Variants in ZNF827 observed in about 807,000 individuals in gnomAD.
ZNF827 encodes zinc finger protein 827.
A neutral mutation model predicts 102.4 loss-of-function variants in ZNF827; 13 were observed. The ratio of observed to expected loss-of-function variants is 0.13; its 90% CI spans 0.08 to 0.20. ZNF827 has a LOEUF of 0.20. Among genes scored for constraint, ZNF827 ranks in the 10% least tolerant of loss-of-function variants. The probability of loss-of-function intolerance (pLI) is 1.00; values close to 1 mark genes in which losing one functional copy is unlikely to be tolerated. For synonymous variants in ZNF827, 523 were observed against 536.2 expected (o/e 0.98, Z 0.34); for missense variants, 1,103 against 1,344.4 (o/e 0.82, Z 2.81).
chr4:145,834,326 C>T lies in ZNF827; in HGVS notation c.2280-10801G>A, dbSNP rs1202981622. Among the ~76,000 whole-genome samples, 6 of 152,096 alleles carry T rather than the reference C, an allele frequency of 3.9e-5. No individual in the cohort carries two copies. The East Asian group carries it at 7.7e-4, about 19-fold the overall frequency. On this transcript the variant is annotated intron_variant, in intron 7 of 14. Coordinates refer to ENST00000508784, the MANE Select transcript of ZNF827 (RefSeq NM_001306215.2). ...TCCCAAATCTTCCTTCTTTCCCTCC[C>T]GCCTGTCCCCTCAGTATTAACCCCA...
intron 8 of ZNF827, among the ~76,000 whole-genome samples, chr4:145,812,086 T>C (rs1742075420): frequency 1.3e-5 from 2 of 151,810 alleles, no homozygotes; most frequent in South Asian, 4.2e-4. Context: ...GGTTACTTTT[T>C]GCATTTTTTT....
chr4:145,833,563 C>G (rs969711390), intron 7 of ZNF827, among the ~76,000 whole-genome samples: 16 of 152,220 alleles, frequency 1.1e-4, no homozygotes, highest in Admixed American at 4.6e-4. Context: ...AAGTACCACT[C>G]AACCCCTTCT....
intron 4 of ZNF827, among the ~76,000 whole-genome samples, chr4:145,878,929 C>T (rs1181989254): frequency 1.3e-5 from 2 of 152,068 alleles, no homozygotes; most frequent in East Asian, 3.9e-4. Flanking sequence ...GGGGCAACTT[C>T]TAGGCATGAG....
rs1734461096 is a variant in ZNF827, at chr4:145,761,334, G to A, written c.*282C>T. 7.8e-7 allele frequency: 1 copy of A among 1,289,972 alleles called. No homozygotes were observed. The highest frequency in any genetic ancestry group is 1.5e-5 in the African/African-American group (1 of 66,000). The allele number at this position is 1,289,972 out of a possible 1,614,324, so 79.9% of individuals were successfully genotyped here. A position where few individuals can be genotyped will look rare whatever the true frequency, so the allele number is the denominator to read the frequency against. ...GATTGTCCTTGCGCTTGCAGCTGTA[G>A]CTGCACTGGTCACAGTGGAAGGGCC... On this transcript the variant is annotated 3_prime_UTR_variant, in exon 15 of 15. Transcript: ENST00000508784. This position sits in a 1 kb window ranked among gnomAD's most constrained non-coding sequence, Gnocchi z 6.8.
intron 7 of ZNF827, chr4:145,839,298 T>C (rs1657056245): frequency 6.6e-6 from 1 of 152,382 alleles, no homozygotes; most frequent in East Asian, 1.9e-4. Context: ...CGAGGGCCGC[T>C]GCAGTGGAGA....
intron 1 of ZNF827, among the ~76,000 whole-genome samples, chr4:145,907,959 C>T (rs1167776283): frequency 6.6e-6 from 1 of 152,196 alleles, no homozygotes; most frequent in Non-Finnish European, 1.5e-5. Context: ...CAAAATTCCA[C>T]TACCTAACAC....
chr4:145,932,518 A>T (rs1753887133), intron 1 of ZNF827, among the ~76,000 whole-genome samples: 1 of 150,188 alleles, frequency 6.7e-6, no homozygotes, highest in Admixed American at 6.6e-5. Flanking sequence ...TCTGTCGAAC[A>T]GGCTGGAGTG....
rs367634050 is a variant in ZNF827, at chr4:145,766,068, G to A, written c.2861-330C>T. Among the ~76,000 whole-genome samples, 162 of 152,206 alleles carry A rather than the reference G, an allele frequency of 1.1e-3. 8 individuals are homozygous for A. The South Asian group carries it at 0.032, about 30-fold the overall frequency. On this transcript the variant is annotated intron_variant, in intron 11 of 14. Coordinates refer to ENST00000508784, the MANE Select transcript of ZNF827 (RefSeq NM_001306215.2). ...ATTATACTTTAAATTATCTCATTTT[G>A]TTTTTTCAAAAATCCTGTGTGGCAC...
At chr4:145,819,448 G>A (rs904940003) in intron 8 of ZNF827, among the ~76,000 whole-genome samples, 2 of 152,152 alleles carry the variant, frequency 1.3e-5, no homozygotes, top group Non-Finnish European at 2.9e-5. Flanking sequence ...GGGAAACAGG[G>A]ACAGCTGCAG....
intron 1 of ZNF827, among the ~76,000 whole-genome samples, chr4:145,925,089 G>A (rs1208511407): frequency 6.6e-6 from 1 of 152,140 alleles, no homozygotes; most frequent in Non-Finnish European, 1.5e-5. Flanking sequence ...AAGAGAGTGT[G>A]TGCAGGGGAA....
intron 8 of ZNF827, among the ~76,000 whole-genome samples, chr4:145,797,248 C>T (rs376478355): frequency 6.6e-6 from 1 of 152,124 alleles, no homozygotes; most frequent in African/African-American, 2.4e-5. Context: ...CTATCAGGCT[C>T]GAATCCGAAC....
At chr4:145,804,630 T>TA in intron 8 of ZNF827, among the ~76,000 whole-genome samples, 1 of 152,178 alleles carries the variant, frequency 6.6e-6, no homozygotes, top group Admixed American at 6.5e-5. Context: ...ACTGGTACAT[T>TA]TAGTTGAAAA....
intron 5 of ZNF827, among the ~76,000 whole-genome samples, chr4:145,869,415 T>A (rs1461663957): frequency 6.6e-6 from 1 of 152,252 alleles, no homozygotes; most frequent in African/African-American, 2.4e-5. Flanking sequence ...CAGCTTTCGA[T>A]TCATATTAGC....
intron 7 of ZNF827, among the ~76,000 whole-genome samples, chr4:145,829,159 T>G (rs1197854205): frequency 6.6e-6 from 1 of 151,838 alleles, no homozygotes; most frequent in Non-Finnish European, 1.5e-5. Context: ...AGAAACAGAT[T>G]TTTTTTCTAA....
At chr4:145,914,062 G>GACACACACACACACAC (rs34866639) in intron 1 of ZNF827, among the ~76,000 whole-genome samples, 5 of 148,110 alleles carry the variant, frequency 3.4e-5, no homozygotes, top group African/African-American at 1.2e-4. Flanking sequence ...TTTCTTTGTA[G>GACACACACACACACAC]ACACACACAC....
intron 5 of ZNF827, among the ~76,000 whole-genome samples, chr4:145,861,172 T>G (rs1747692997): frequency 6.6e-6 from 1 of 152,218 alleles, no homozygotes; most frequent in South Asian, 2.1e-4. Flanking sequence ...ATATTCCCCT[T>G]CTTTGACATG....
intron 8 of ZNF827, among the ~76,000 whole-genome samples, chr4:145,802,937 C>T (rs904142255): frequency 1.3e-5 from 2 of 152,102 alleles, no homozygotes; most frequent in Non-Finnish European, 2.9e-5. Context: ...GAGACTCTGT[C>T]TCACAAAAAT....
chr4:145,923,204 T>A (rs964885700), intron 1 of ZNF827, among the ~76,000 whole-genome samples: 2 of 152,198 alleles, frequency 1.3e-5, no homozygotes, highest in Admixed American at 6.5e-5. Flanking sequence ...CTATCTCTTT[T>A]TGAGTCTTGG....
chr4:145,923,308 C>T (rs1753204802), intron 1 of ZNF827, among the ~76,000 whole-genome samples: 1 of 152,096 alleles, frequency 6.6e-6, no homozygotes, highest in Non-Finnish European at 1.5e-5. Context: ...CAAAACATGT[C>T]ACAGATTGAA....
Sources: allele counts gnomAD v4.1 joint callset (sites outside exome capture counted in the v4.1 genomes callset), GRCh38; gene constraint gnomAD v4.1.1; non-coding constraint Gnocchi (gnomAD v3.1); transcripts MANE v1.5; gene names NCBI Gene and HGNC (gene_info 2026-07-23, HGNC 2026-07-21).